COL14A1: variants seen among roughly 807,000 people sequenced by gnomAD.
COL14A1 encodes collagen alpha-1(XIV) chain.
A neutral mutation model predicts 230.3 loss-of-function variants in COL14A1; 136 were observed. That is an observed-to-expected ratio of 0.59 (90% confidence interval 0.51 to 0.68). The LOEUF is 0.68. COL14A1 is among the 30% of genes least tolerant of loss of function. COL14A1 has a pLI of 0.00. For synonymous variants in COL14A1, 792 were observed against 784.1 expected, an observed-to-expected ratio of 1.01 and a Z score of -0.17; for missense variants, 1,976 against 2,215.8, an observed-to-expected ratio of 0.89 and a Z score of 2.17.
In COL14A1 at chr8:120,369,509, T is replaced by C. The variant is rs367860250; in HGVS notation, c.5311+24T>C. The stretch of plus-strand genomic sequence containing the variant: ...AGGTAAGTGTCACAAAAAGCCCCGC[T>C]TGTGGGCTTTGATCAATGTTTTAGT... On this transcript the variant is annotated intron_variant, in intron 47 of 47. Coordinates refer to ENST00000297848, the MANE Select transcript of COL14A1 (RefSeq NM_021110.4). 7.9e-6 allele frequency: 12 copies of C among 1,519,264 alleles called. No homozygotes were observed. In the African/African-American group the frequency reaches 1.5e-4, roughly 20 times the overall value. The allele number at this position is 1,519,264 out of a possible 1,614,324, so 94.1% of individuals were successfully genotyped here.
At chr8:120,287,510 T>C (rs527333732) in intron 33 of COL14A1, among the ~76,000 whole-genome samples, 6 of 152,334 alleles carry the variant, frequency 3.9e-5, no homozygotes, top group Admixed American at 1.3e-4. Context: ...TTTTAGCCCA[T>C]GGTTTAGGCA....
intron 36 of COL14A1, 21 bp downstream of exon 36, chr8:120,300,839 C>A (rs755853518): frequency 1.9e-6 from 3 of 1,588,082 alleles, no homozygotes; most frequent in Non-Finnish European, 8.6e-7. Context: ...CTGAGTTCAG[C>A]CTTAAATTTT....
At chr8:120,202,989 A>AACATATATATATATATAT (rs1817299671) in intron 8 of COL14A1, among the ~76,000 whole-genome samples, 1 of 106,554 alleles carries the variant, frequency 9.4e-6, no homozygotes, top group South Asian at 3.5e-4. Flanking sequence ...AATAATTTCA[A>AACATATATATATATATAT]ATATATATAT....
chr8:120,279,062 A>G (rs1408654676), intron 28 of COL14A1, among the ~76,000 whole-genome samples: 3 of 149,756 alleles, frequency 2.0e-5, no homozygotes, highest in Non-Finnish European at 4.4e-5. Flanking sequence ...AGAAAACTAA[A>G]CACCACATGT....
chr8:120,339,908 C>T (rs1037614406), intron 42 of COL14A1, among the ~76,000 whole-genome samples: 23 of 151,890 alleles, frequency 1.5e-4, no homozygotes, highest in East Asian at 3.9e-4. Flanking sequence ...TGTGGTGGCA[C>T]GCACCTGTAG....
intron 14 of COL14A1, among the ~76,000 whole-genome samples, chr8:120,218,250 AAG>A (rs1213773837): frequency 8.3e-6 from 1 of 120,204 alleles, no homozygotes; most frequent in Non-Finnish European, 1.8e-5. Flanking sequence ...ATAAATATAT[AAG>A]TATATGTCTA....
At chr8:120,226,439 T>C (rs936411957) in intron 15 of COL14A1, among the ~76,000 whole-genome samples, 188 bp from the exon 16 acceptor site, 2 of 152,206 alleles carry the variant, frequency 1.3e-5, no homozygotes, top group African/African-American at 2.4e-5. Context: ...TAATTTATGA[T>C]ATTGGTGAAT....
chr8:120,192,415 A>C (rs976934869), intron 5 of COL14A1, among the ~76,000 whole-genome samples: 2 of 152,026 alleles, frequency 1.3e-5, no homozygotes, highest in Non-Finnish European at 1.5e-5. Context: ...CGAGAGATCC[A>C]CTGTTAGTCT....
At chr8:120,212,679 CTAA>C in intron 13 of COL14A1, 102 bp downstream of exon 13, 3 of 1,256,484 alleles carry the variant, frequency 2.4e-6, no homozygotes, top group Non-Finnish European at 3.3e-6. Flanking sequence ...CTCTTAAAAG[CTAA>C]TTATAATTTT....
intron 47 of COL14A1, 85 bp downstream of exon 47, chr8:120,369,570 A>T: frequency 7.6e-7 from 1 of 1,309,710 alleles, no homozygotes; most frequent in Non-Finnish European, 1.0e-6. Context: ...AGTGCTATGA[A>T]AAAAGTTAAA....
Position 120,351,150 on chromosome 8 carries a change from C to T in COL14A1, c.5077+5587C>T, listed in dbSNP as rs1486783340. Among the ~76,000 whole-genome samples, 17 of 143,700 alleles carry T rather than the reference C, an allele frequency of 1.2e-4. No homozygotes were observed. The East Asian group carries it at 3.3e-3, about 28-fold the overall frequency. The allele number at this position is 143,700 out of a possible 152,430, so 94.3% of individuals were successfully genotyped here. ...TCCTGAATGACTACTGGGTACATAA[C>T]GAAATGAAGGCAGAAATAAAGATGT... On this transcript the variant is annotated intron_variant, in intron 45 of 47. Coordinates refer to ENST00000297848, the MANE Select transcript of COL14A1 (RefSeq NM_021110.4).
At chr8:120,126,624 A>G (rs1395066603) in intron 1 of COL14A1, among the ~76,000 whole-genome samples, 3 of 152,202 alleles carry the variant, frequency 2.0e-5, no homozygotes, top group Non-Finnish European at 4.4e-5. Flanking sequence ...CCCCTCCTCT[A>G]CTGAGGGACA....
intron 42 of COL14A1, 92 bp from the exon 43 acceptor site, chr8:120,341,233 A>G: frequency 7.6e-7 from 1 of 1,316,522 alleles, no homozygotes; most frequent in Non-Finnish European, 1.1e-6. Context: ...GTGCTAAGAA[A>G]AATGTCTTAA....
chr8:120,271,817 G>A lies in COL14A1; in HGVS notation c.3213+1643G>A, dbSNP rs547053077. On this transcript the variant is annotated intron_variant, in intron 26 of 47. Coordinates refer to ENST00000297848, the MANE Select transcript of COL14A1 (RefSeq NM_021110.4). Reference sequence around the variant, plus strand: ...TTGAGTATTATCATAAATGCAACTGGAAGTCACTGGAAGGTTTTAAGGAGA... The same window carrying A: ...TTGAGTATTATCATAAATGCAACTGAAAGTCACTGGAAGGTTTTAAGGAGA... Among the ~76,000 whole-genome samples, 76 of 151,576 alleles carry A rather than the reference G, an allele frequency of 5.0e-4. 1 individual carries two copies. Among genetic ancestry groups the A allele is most frequent in the African/African-American group, 1.7e-3 (72 of 41,420 alleles).
chr8:120,314,720 A>G (rs187466430), intron 38 of COL14A1, among the ~76,000 whole-genome samples: 162 of 152,322 alleles, frequency 1.1e-3, no homozygotes, highest in African/African-American at 3.7e-3. Flanking sequence ...AGTTTCTCCT[A>G]CAGTGTTATT....
intron 47 of COL14A1, 169 bp from the exon 48 acceptor site, chr8:120,370,979 TACTA>T: frequency 9.2e-7 from 1 of 1,087,250 alleles, no homozygotes; most frequent in Non-Finnish European, 1.3e-6. Context: ...TTCGTCTATT[TACTA>T]ACTGTCTGAA....
chr8:120,152,469 C>CAAAAA (rs397891260), intron 2 of COL14A1, among the ~76,000 whole-genome samples: 9 of 59,602 alleles, frequency 1.5e-4, no homozygotes, highest in Admixed American at 4.7e-4. Context: ...GATTCCATCT[C>CAAAAA]AAAAAAAAAA....
At chr8:120,287,926 G>T (rs1016259302) in intron 33 of COL14A1, among the ~76,000 whole-genome samples, 1 of 151,438 alleles carries the variant, frequency 6.6e-6, no homozygotes, top group African/African-American at 2.4e-5. Flanking sequence ...TGGGCCCAAG[G>T]TCTCTTTCAA....
chr8:120,317,019 G>A (rs1821257382), intron 40 of COL14A1, among the ~76,000 whole-genome samples: 1 of 152,134 alleles, frequency 6.6e-6, no homozygotes, highest in African/African-American at 2.4e-5. Flanking sequence ...GCAATAGGTA[G>A]TCATTAAATT....
Sources: gnomAD v4.1 joint callset for allele counts (sites outside exome capture counted in the v4.1 genomes callset) on GRCh38, gnomAD v4.1.1 for gene constraint, MANE v1.5 for transcripts, NCBI Gene and HGNC (gene_info 2026-07-23, HGNC 2026-07-21) for gene names.